Variants in STEAP1 observed in about 807,000 individuals in gnomAD.
STEAP1 encodes STEAP1 protein.
Under a neutral mutation model 34.4 loss-of-function variants are expected in STEAP1, and 30 were observed. The ratio of observed to expected loss-of-function variants is 0.87; its 90% CI spans 0.65 to 1.18. The LOEUF (loss-of-function observed/expected upper bound fraction) is 1.18. Ranked by LOEUF, STEAP1 falls within the 50% of genes most tolerant of loss-of-function variation. The probability of loss-of-function intolerance (pLI) is 0.00; values close to 1 mark genes in which losing one functional copy is unlikely to be tolerated. For missense variants in STEAP1, 318 were observed against 391.1 expected (o/e 0.81, Z 1.58); for synonymous variants, 116 against 135.3 (o/e 0.86, Z 0.99).
chr7:90,155,971 C>T (rs1374795751), intron 1 of STEAP1, among the ~76,000 whole-genome samples: 3 of 152,200 alleles, frequency 2.0e-5, no homozygotes, highest in Non-Finnish European at 4.4e-5. Flanking sequence ...ACTTTATCCT[C>T]CTCTAGGATA....
chr7:90,160,666 A>G lies in STEAP1; in HGVS notation c.85-139A>G. ...GTGCCACATAGACTATGCTATCTTC[A>G]ACTAACCAGTATTCAAAAGCAAGAT... On this transcript the variant is annotated intron_variant, in intron 2 of 4. Coordinates refer to ENST00000297205, the MANE Select transcript of STEAP1 (RefSeq NM_012449.3). The G allele has an allele frequency of 6.0e-6, 8 of 1,341,806 alleles. No individual in the cohort carries two copies. The South Asian group carries it at 1.2e-4, about 21-fold the overall frequency. 83.1% of individuals were successfully genotyped at this position (1,341,806 alleles called of 1,614,324 possible).
chr7:90,161,993 G>T lies in STEAP1; in HGVS notation c.677G>T (p.Gly226Val). Reference sequence around the variant, plus strand: ...ATTTATGTGTCTCTGGGAATTGTGGGATTGGCAATACTGGCTCTGTTGGCT... The same window carrying T: ...ATTTATGTGTCTCTGGGAATTGTGGTATTGGCAATACTGGCTCTGTTGGCT... ...MEIYVSLGIV[G>V]LAILALLAVT... Residue 226 changes from glycine to valine, a missense_variant, in exon 4 of 5, where the codon GGA (glycine) becomes GTA (valine). Coordinates refer to ENST00000297205, the MANE Select transcript of STEAP1 (RefSeq NM_012449.3). 1 of 1,613,840 alleles carries T rather than the reference G, an allele frequency of 6.2e-7. No homozygotes were observed. Among genetic ancestry groups the T allele is most frequent in the Non-Finnish European group, 8.5e-7 (1 of 1,179,826 alleles).
At chr7:90,163,174 T>C in intron 4 of STEAP1, 1 of 211,836 alleles carries the variant, frequency 4.7e-6, no homozygotes, top group Non-Finnish European at 1.1e-5. Flanking sequence ...TTATTAGGCA[T>C]CTGATTAGTT....
chr7:90,156,049 G>T (rs1794114597), intron 1 of STEAP1, among the ~76,000 whole-genome samples: 1 of 152,112 alleles, frequency 6.6e-6, no homozygotes, highest in Non-Finnish European at 1.5e-5. Flanking sequence ...CAGAGCAGAG[G>T]CTTTATCTCA....
Position 90,161,219 on chromosome 7 carries a change from CT to C in STEAP1, c.500del (p.Leu167ProfsTer18). On this transcript the variant is annotated frameshift_variant, in exon 3 of 5. Coordinates refer to ENST00000297205, the MANE Select transcript of STEAP1 (RefSeq NM_012449.3). LOFTEE classifies it high-confidence loss of function. ...GTTAACAAGAAAGCAGTTTGGGCTT[CT>C]CAGTTTCTTTTTTGCTGTACTGCAT... The part of the protein sequence containing the change: ...WMLTRKQFGL[L>X]SFFFAVLHAI... 1.2e-6 allele frequency: 2 copies of C among 1,614,112 alleles called. No individual in the cohort carries two copies. Among genetic ancestry groups the C allele is most frequent in the Non-Finnish European group, 1.7e-6 (2 of 1,179,990 alleles).
Position 90,159,710 on chromosome 7 carries a change from A to G in STEAP1, c.-31-48A>G, listed in dbSNP as rs1307394225. The G allele has an allele frequency of 3.8e-6, 4 of 1,049,952 alleles. No individual in the cohort carries two copies. The Admixed American group carries it at 1.2e-4, about 30-fold the overall frequency. The allele number at this position is 1,049,952 out of a possible 1,614,324, so 65.0% of individuals were successfully genotyped here. ...TTTTATATTGTTACATCAAACATTC[A>G]CATCATAAGTAGAATGGACATGAAA... is the stretch of plus-strand genomic sequence containing the variant. On this transcript the variant is annotated intron_variant, in intron 1 of 4. Transcript: ENST00000297205.
chr7:90,157,179 C>CA (rs1169419689), intron 1 of STEAP1, among the ~76,000 whole-genome samples: 37 of 148,990 alleles, frequency 2.5e-4, no homozygotes, highest in African/African-American at 6.7e-4. Context: ...TAACTTAAAC[C>CA]AAAAAAAAAG....
At chr7:90,157,347 G>A (rs1409250480) in intron 1 of STEAP1, among the ~76,000 whole-genome samples, 1 of 152,094 alleles carries the variant, frequency 6.6e-6, no homozygotes, top group Non-Finnish European at 1.5e-5. Context: ...TTCCTTCTTA[G>A]AGCATGGAGA....
intron 1 of STEAP1, 34 bp from the exon 2 acceptor site, chr7:90,159,724 A>G: frequency 2.5e-6 from 3 of 1,199,910 alleles, no homozygotes; most frequent in Non-Finnish European, 3.4e-6. Context: ...CATAAGTAGA[A>G]TGGACATGAA....
chr7:90,163,933 A>T lies in STEAP1; in HGVS notation c.763-544A>T, dbSNP rs11564074. 4.3e-3 allele frequency among the ~76,000 whole-genome samples: 662 copies of T among 152,316 alleles called. 2 individuals carry two copies. The highest frequency in any genetic ancestry group is 7.9e-3 in the Admixed American group (121 of 15,306). ...GCCAAGTTCATTCACTTCATTATTC[A>T]TTTATCAAAATCAGAGTGAATCACA... On this transcript the variant is annotated intron_variant, in intron 4 of 4. Coordinates refer to ENST00000297205, the MANE Select transcript of STEAP1 (RefSeq NM_012449.3).
In STEAP1 at chr7:90,162,019, G is replaced by A. The variant is rs1381108144; in HGVS notation, c.703G>A (p.Val235Met). Residue 235 changes from valine to methionine, a missense_variant, in exon 4 of 5, where the codon GTG becomes ATG. By Grantham distance (21) the Val-to-Met change is conservative. Coordinates refer to ENST00000297205, the MANE Select transcript of STEAP1 (RefSeq NM_012449.3). Reference sequence around the variant, plus strand: ...ATTGGCAATACTGGCTCTGTTGGCTGTGACATCTATTCCATCTGTGAGTGA... The same window carrying A: ...ATTGGCAATACTGGCTCTGTTGGCTATGACATCTATTCCATCTGTGAGTGA... ...VGLAILALLAVTSIPSVSDSL... is the reference protein window; with the variant it reads ...VGLAILALLAMTSIPSVSDSL... 1.9e-6 allele frequency: 3 copies of A among 1,613,770 alleles called. No individual in the cohort carries two copies. The highest frequency in any genetic ancestry group is 2.7e-5 in the African/African-American group (2 of 74,908).
intron 3 of STEAP1, 105 bp downstream of exon 3, chr7:90,161,422 G>A (rs1794185111): frequency 7.5e-7 from 1 of 1,331,352 alleles, no homozygotes; most frequent in Admixed American, 3.0e-5. Flanking sequence ...TTGAAACTCT[G>A]TGTTGAAAAA....
intron 1 of STEAP1, among the ~76,000 whole-genome samples, chr7:90,159,229 T>G (rs1428464843): frequency 1.3e-5 from 2 of 152,184 alleles, no homozygotes; most frequent in African/African-American, 2.4e-5. Flanking sequence ...GGAAACATAC[T>G]AGCAATTCAC....
At chr7:90,155,303 A>G (rs1242249051) in intron 1 of STEAP1, among the ~76,000 whole-genome samples, 1 of 152,210 alleles carries the variant, frequency 6.6e-6, no homozygotes, top group African/African-American at 2.4e-5. Context: ...TTAAATGTAA[A>G]ACAAGTGTGC....
At chr7:90,163,837 T>TA (rs1279531254) in intron 4 of STEAP1, among the ~76,000 whole-genome samples, 7 of 152,222 alleles carry the variant, frequency 4.6e-5, no homozygotes, top group Non-Finnish European at 1.0e-4. Flanking sequence ...CTCTCTATTT[T>TA]GTGCAGACAT....
At chr7:90,157,668 A>G (rs1281795059) in intron 1 of STEAP1, among the ~76,000 whole-genome samples, 3 of 152,268 alleles carry the variant, frequency 2.0e-5, no homozygotes, top group African/African-American at 7.2e-5. Flanking sequence ...CTAAAACAAC[A>G]GATATCTTCA....
intron 4 of STEAP1, 100 bp from the exon 5 acceptor site, chr7:90,164,377 T>G: frequency 7.5e-7 from 1 of 1,334,632 alleles, no homozygotes; most frequent in Non-Finnish European, 1.0e-6. Flanking sequence ...AAAACAATCA[T>G]AGATAAAGGA....
rs1314538792 is a variant in STEAP1 at position 90,159,818 on chromosome 7, A to G, written c.30A>G (p.Gln10=). 2 of 1,567,250 alleles carry G rather than the reference A, an allele frequency of 1.3e-6. No individual in the cohort carries two copies. Among genetic ancestry groups the G allele is most frequent in the Non-Finnish European group, 1.7e-6 (2 of 1,158,720 alleles). ...AAAGCAGAAAAGACATCACAAACCA[A>G]GAAGAACTTTGGAAAATGAAGCCTA... The part of the protein sequence containing the change: MESRKDITN[Q]EELWKMKPRR... The change falls in exon 2 of 5, where the codon CAA becomes CAG. Residue 10 remains glutamine (Q), a synonymous_variant. Coordinates refer to ENST00000297205, the MANE Select transcript of STEAP1 (RefSeq NM_012449.3).
chr7:90,161,153 A>G lies in STEAP1; in HGVS notation c.433A>G (p.Thr145Ala). ...AGCAATTGTCCAACTTCATAATGGAACCAAGTATAAGAAGTTTCCACATTG... is the reference window on the plus strand; with the variant it reads ...AGCAATTGTCCAACTTCATAATGGAGCCAAGTATAAGAAGTTTCCACATTG... ...IAAIVQLHNG[T>A]KYKKFPHWLD... The change falls in exon 3 of 5, where the codon ACC (threonine) becomes GCC (alanine). Residue 145 changes from threonine (T) to alanine (A), a missense_variant. Transcript: ENST00000297205. 6.2e-7 allele frequency: 1 copy of G among 1,613,994 alleles called. No individual in the cohort carries two copies. The highest frequency in any genetic ancestry group is 2.2e-5 in the East Asian group (1 of 44,880).
Sources: allele counts gnomAD v4.1 joint callset (sites outside exome capture counted in the v4.1 genomes callset), GRCh38; gene constraint gnomAD v4.1.1; transcripts MANE v1.5; gene names NCBI Gene and HGNC (gene_info 2026-07-23, HGNC 2026-07-21).